The following ARID5B variants were observed in gnomAD, a reference collection of about 807,000 sequenced individuals.
The protein encoded by ARID5B is AT-rich interaction domain 5B, also known as AT-rich interactive domain-containing protein 5B.
A neutral mutation model predicts 97.2 loss-of-function variants in ARID5B; 13 were observed. The observed-to-expected ratio is 0.13, with a 90% CI of 0.09 to 0.21. ARID5B has a LOEUF of 0.21. Ranked by LOEUF, ARID5B falls within the 10% of genes least tolerant of loss-of-function variation. ARID5B has a pLI of 1.00. For missense variants in ARID5B, 1,210 were observed against 1,465.3 expected, an observed-to-expected ratio of 0.83 and a Z score of 2.84; for synonymous variants, 556 against 570.3, an observed-to-expected ratio of 0.97 and a Z score of 0.36.
In ARID5B at chr10:62,057,274, G is replaced by C; in HGVS notation, c.1004G>C (p.Arg335Thr). ...LVALYKYMKE[R>T]KTPIERIPYL... The stretch of plus-strand genomic sequence containing the variant: ...GCACTTTATAAATACATGAAAGAAA[G>C]GAAAACGCCGATAGAACGAATACCC... The change falls in exon 6 of 10, where the codon AGG becomes ACG. Residue 335 changes from arginine to threonine, a missense_variant. Physicochemically the swap from Arg to Thr is moderately conservative, Grantham distance 71. Transcript: ENST00000279873. 6.2e-7 allele frequency: 1 copy of C among 1,612,302 alleles called. No individual in the cohort carries two copies. The highest frequency in any genetic ancestry group is 8.5e-7 in the Non-Finnish European group (1 of 1,179,184).
rs1844378312 is a variant in ARID5B, at chr10:61,940,355, C to T, written c.449C>T (p.Thr150Ile). 1.2e-6 allele frequency: 2 copies of T among 1,613,978 alleles called. No homozygotes were observed. Among genetic ancestry groups the T allele is most frequent in the Non-Finnish European group, 1.7e-6 (2 of 1,180,020 alleles). The change falls in exon 3 of 10, where the codon ACC becomes ATC. Residue 150 changes from threonine (T) to isoleucine (I), a missense_variant. Physicochemically the swap from Thr to Ile is moderately conservative, Grantham distance 89. Coordinates refer to ENST00000279873, the MANE Select transcript of ARID5B (RefSeq NM_032199.3). ...KEALLKYRQS[T>I]LNSGLNFKDV... Reference sequence around the variant, plus strand: ...GCTCTGCTGAAGTACAGGCAGTCAACCCTAAACAGTGGACTCAACTTCAAA... The same window carrying T: ...GCTCTGCTGAAGTACAGGCAGTCAATCCTAAACAGTGGACTCAACTTCAAA...
At chr10:62,021,497 A>G (rs1315339683) in intron 4 of ARID5B, among the ~76,000 whole-genome samples, 1 of 152,114 alleles carries the variant, frequency 6.6e-6, no homozygotes, top group Non-Finnish European at 1.5e-5. Context: ...ATAATTGAAA[A>G]CCTAAATTCA....
In ARID5B at chr10:62,080,775, C is replaced by T. The variant is rs913287879; in HGVS notation, c.1200-4927C>T. On this transcript the variant is annotated intron_variant, in intron 8 of 9. Transcript: ENST00000279873. The stretch of plus-strand genomic sequence containing the variant: ...TCCCAGTTGAACCAATATGTCATTT[C>T]GTTGTTACTACAAAAAAAAAGCCTA... Among the ~76,000 whole-genome samples the T allele has an allele frequency of 8.6e-5, 13 of 151,394 alleles. No individual in the cohort carries two copies. The South Asian group carries it at 1.9e-3, about 22-fold the overall frequency.
At chr10:61,979,978 A>G (rs993550195) in intron 3 of ARID5B, among the ~76,000 whole-genome samples, 10 of 152,128 alleles carry the variant, frequency 6.6e-5, no homozygotes, top group African/African-American at 2.4e-4. Context: ...CTGTAATCCC[A>G]GTTACTCAGG....
At position 62,092,112 on chromosome 10, in the gene ARID5B, T is replaced by C. The variant is rs1378756871; in HGVS notation, c.2649T>C (p.Tyr883=). ...HRHQEKLHVN[Y]LTSLHLQDKK... is the part of the protein sequence containing the mutation. ...ACCAAGAAAAGCTCCATGTAAATTA[T>C]CTCACGTCCCTGCACCTGCAAGACA... The change falls in exon 10 of 10, where the codon TAT becomes TAC. Residue 883 remains tyrosine, a synonymous_variant. Coordinates refer to ENST00000279873, the MANE Select transcript of ARID5B (RefSeq NM_032199.3). The C allele has an allele frequency of 6.2e-7, 1 of 1,612,252 alleles. No homozygotes were observed. Among genetic ancestry groups the C allele is most frequent in the South Asian group, 1.1e-5 (1 of 90,816 alleles).
Position 62,091,185 on chromosome 10 carries a change from A to G in ARID5B, c.1722A>G (p.Lys574=). ...LTSPSALVDS[K]QESKLCCFTE... ...CTCCTAGTGCCCTGGTGGACTCAAA[A>G]CAAGAATCCAAACTGTGCTGTTTTA... The change falls in exon 10 of 10, where the codon AAA becomes AAG. Residue 574 remains lysine (K), a synonymous_variant. Coordinates refer to ENST00000279873, the MANE Select transcript of ARID5B (RefSeq NM_032199.3). 1 of 1,614,096 alleles carries G rather than the reference A, an allele frequency of 6.2e-7. No individual in the cohort carries two copies. The highest frequency in any genetic ancestry group is 1.3e-5 in the African/African-American group (1 of 75,002).
At chr10:61,970,330 A>G (rs1229206900) in intron 3 of ARID5B, among the ~76,000 whole-genome samples, 2 of 152,244 alleles carry the variant, frequency 1.3e-5, no homozygotes, top group Non-Finnish European at 2.9e-5. Flanking sequence ...CTATGGGTAG[A>G]TATAGCCAGG....
chr10:62,018,090 C>G (rs531305570), intron 4 of ARID5B, among the ~76,000 whole-genome samples: 1 of 152,280 alleles, frequency 6.6e-6, no homozygotes, highest in East Asian at 1.9e-4. Context: ...ATCGGGTTTT[C>G]TATATAATAG....
intron 3 of ARID5B, among the ~76,000 whole-genome samples, chr10:61,980,100 AT>A (rs201465312): frequency 3.1e-4 from 47 of 151,562 alleles, no homozygotes; most frequent in East Asian, 3.9e-4. Context: ...TCTCAAAAAA[AT>A]AAAACAGAAA....
At chr10:62,053,854 C>G (rs1317368566) in intron 5 of ARID5B, among the ~76,000 whole-genome samples, 1 of 152,180 alleles carries the variant, frequency 6.6e-6, no homozygotes, top group Non-Finnish European at 1.5e-5. Context: ...TTTTTCCTCT[C>G]ATTTGGTCCT....
chr10:61,981,799 G>A (rs1159997121), intron 3 of ARID5B, among the ~76,000 whole-genome samples: 2 of 152,160 alleles, frequency 1.3e-5, no homozygotes, highest in Admixed American at 1.3e-4. Context: ...CTTAACACCT[G>A]TCTGTTACAT....
intron 4 of ARID5B, among the ~76,000 whole-genome samples, chr10:62,021,068 A>C (rs890361604): frequency 5.0e-4 from 68 of 134,788 alleles, no homozygotes; most frequent in South Asian, 2.8e-3. Context: ...ATATATATAT[A>C]TCTCAGAAGA....
chr10:61,935,411 T>G (rs6479780), intron 2 of ARID5B, among the ~76,000 whole-genome samples: 1 of 151,888 alleles, frequency 6.6e-6, no homozygotes, highest in Non-Finnish European at 1.5e-5. Flanking sequence ...ACAAGCAGGG[T>G]CATGGATGGA....
chr10:62,087,627 TA>T (rs1298909588), intron 9 of ARID5B, among the ~76,000 whole-genome samples: 1 of 151,654 alleles, frequency 6.6e-6, no homozygotes, highest in African/African-American at 2.4e-5. Context: ...AAATACCCCC[TA>T]AAAAATCAGG....
intron 4 of ARID5B, among the ~76,000 whole-genome samples, chr10:62,046,212 C>T (rs1225881354): frequency 2.0e-5 from 3 of 152,084 alleles, no homozygotes; most frequent in Non-Finnish European, 4.4e-5. Context: ...AAAAAAGAGA[C>T]GGTCATGACA....
chr10:62,029,854 T>C (rs1016644603), intron 4 of ARID5B, among the ~76,000 whole-genome samples: 2 of 152,230 alleles, frequency 1.3e-5, no homozygotes, highest in African/African-American at 2.4e-5. Context: ...GAAAACACAC[T>C]GTAAAGTGAA....
At chr10:62,075,025 G>A (rs1021769292) in intron 8 of ARID5B, among the ~76,000 whole-genome samples, 3 of 152,196 alleles carry the variant, frequency 2.0e-5, no homozygotes, top group Non-Finnish European at 2.9e-5. Flanking sequence ...GCATCAGATG[G>A]GAAATTTAGA....
At chr10:61,993,456 T>G (rs923074385) in intron 3 of ARID5B, among the ~76,000 whole-genome samples, 9 of 152,216 alleles carry the variant, frequency 5.9e-5, no homozygotes, top group African/African-American at 2.2e-4. Context: ...AGGAAATCAT[T>G]GAGTAACTGC....
intron 3 of ARID5B, among the ~76,000 whole-genome samples, chr10:61,947,907 A>G (rs1469079704): frequency 6.6e-6 from 1 of 152,164 alleles, no homozygotes; most frequent in Non-Finnish European, 1.5e-5. Context: ...AGACCCTTTC[A>G]TTTGGAATTA....
Sources: gnomAD v4.1 joint callset for allele counts (sites outside exome capture counted in the v4.1 genomes callset) on GRCh38, gnomAD v4.1.1 for gene constraint, MANE v1.5 for transcripts, NCBI Gene and HGNC (gene_info 2026-07-23, HGNC 2026-07-21) for gene names.